The following CLYBL variants were observed in gnomAD, a reference collection of about 807,000 sequenced individuals.
CLYBL encodes the protein citramalyl-CoA lyase, also known as citramalyl-CoA lyase, mitochondrial.
CLYBL carries 31 observed loss-of-function variants against 38.9 expected under a neutral mutation model. The ratio of observed to expected loss-of-function variants is 0.80; its 90% CI spans 0.60 to 1.08. CLYBL has a LOEUF of 1.08. Among genes scored for constraint, CLYBL ranks in the 50% least tolerant of loss-of-function variants. CLYBL has a pLI of 0.00. For missense variants in CLYBL, 434 were observed against 411.6 expected, an observed-to-expected ratio of 1.05 and a Z score of -0.47; for synonymous variants, 171 against 158.6, an observed-to-expected ratio of 1.08 and a Z score of -0.59.
intron 1 of CLYBL, among the ~76,000 whole-genome samples, chr13:99,613,648 C>T (rs1349280588): frequency 1.3e-5 from 2 of 151,934 alleles, no homozygotes; most frequent in Admixed American, 6.6e-5. Flanking sequence ...AAGCAGTGAG[C>T]GAGAAAGGGG....
Position 99,723,861 on chromosome 13 carries a change from A to T in CLYBL, c.63-48963A>T, listed in dbSNP as rs539508395. On this transcript the variant is annotated intron_variant, in intron 1 of 8. Transcript: ENST00000339105. ...ATCATGATGGTTACAGGTTTCAGTG[A>T]TCTTTTTTGTGACAGATGTACCAAC... Among the ~76,000 whole-genome samples, 39 of 152,274 alleles carry T rather than the reference A, an allele frequency of 2.6e-4. No individual in the cohort carries two copies. In the South Asian group the frequency reaches 5.0e-3, roughly 19 times the overall value.
rs369963152 is a variant in CLYBL, at chr13:99,683,059, TTA to T, written c.62+76316_62+76317del. 7.4e-5 allele frequency among the ~76,000 whole-genome samples: 11 copies of T among 149,486 alleles called. 1 individual carries two copies. Among genetic ancestry groups the T allele is most frequent in the Middle Eastern group, 6.9e-3 (2 of 288 alleles). Reference sequence around the variant, plus strand: ...GGCCCAACTTTTTACTTTATAAACTTTATATATATATATATGTTTTGTTTTGT... The same window carrying T: ...GGCCCAACTTTTTACTTTATAAACTTTATATATATATATGTTTTGTTTTGT... On this transcript the variant is annotated intron_variant, in intron 1 of 8. Transcript: ENST00000339105.
At chr13:99,820,429 G>A (rs34667146) in intron 2 of CLYBL, among the ~76,000 whole-genome samples, 43,177 of 151,570 alleles carry the variant, frequency 0.28, 6,999 homozygotes, top group East Asian at 0.64. Flanking sequence ...TAACAGCCCA[G>A]CAATCAATGG....
At chr13:99,642,188 A>T (rs1379034820) in intron 1 of CLYBL, among the ~76,000 whole-genome samples, 1 of 152,088 alleles carries the variant, frequency 6.6e-6, no homozygotes, top group African/African-American at 2.4e-5. Flanking sequence ...GCCCATTCTC[A>T]TTGCAGGGGG....
At chr13:99,815,269 G>A (rs6491533) in intron 2 of CLYBL, among the ~76,000 whole-genome samples, 93,025 of 151,758 alleles carry the variant, frequency 0.61, 29,604 homozygotes, top group East Asian at 0.85. Context: ...TCATGTGTAC[G>A]TGTTTGTGAA....
intron 1 of CLYBL, among the ~76,000 whole-genome samples, chr13:99,611,879 C>T (rs1392099221): frequency 1.3e-5 from 2 of 152,192 alleles, no homozygotes; most frequent in Non-Finnish European, 1.5e-5. Flanking sequence ...GTCACATTCA[C>T]GTGCCTGGAG....
chr13:99,866,093 T>C, intron 5 of CLYBL, 147 bp from the exon 6 acceptor site: 1 of 781,730 alleles, frequency 1.3e-6, no homozygotes, highest in Non-Finnish European at 2.1e-6. Flanking sequence ...CGTCCCTGTC[T>C]TCATTTGTAT....
At position 99,616,423 on chromosome 13, in the gene CLYBL, A is replaced by G. The variant is rs561136704; in HGVS notation, c.62+9666A>G. On this transcript the variant is annotated intron_variant, in intron 1 of 8. Coordinates refer to ENST00000339105, the MANE Select transcript of CLYBL (RefSeq NM_206808.5). ...CTAGCACATATATATTTGTATGTGT[A>G]TAACCACAGTTGTTCATTTAGTCTG... Among the ~76,000 whole-genome samples the G allele has an allele frequency of 5.3e-5, 8 of 152,306 alleles. No individual in the cohort carries two copies. In the South Asian group the frequency reaches 1.5e-3, roughly 28 times the overall value.
At chr13:99,876,832 C>T (rs560855163) in intron 7 of CLYBL, among the ~76,000 whole-genome samples, 2 of 152,294 alleles carry the variant, frequency 1.3e-5, no homozygotes, top group African/African-American at 4.8e-5. Flanking sequence ...ATGACCAAAA[C>T]GAGATAGAGC....
intron 8 of CLYBL, among the ~76,000 whole-genome samples, chr13:99,904,967 T>C (rs1381948779): frequency 6.7e-6 from 1 of 149,440 alleles, no homozygotes; most frequent in Non-Finnish European, 1.5e-5. Context: ...CCACCCTGCC[T>C]CCCCCAGAAC....
At chr13:99,882,822 G>T (rs1198324588) in intron 7 of CLYBL, among the ~76,000 whole-genome samples, 2 of 152,112 alleles carry the variant, frequency 1.3e-5, no homozygotes, top group Non-Finnish European at 2.9e-5. Flanking sequence ...TAGAGTAGAG[G>T]TTATAGTTGC....
At chr13:99,727,439 CAGA>C (rs1291311181) in intron 1 of CLYBL, 2 of 152,004 alleles carry the variant, frequency 1.3e-5, no homozygotes, top group African/African-American at 2.4e-5. Flanking sequence ...GCAGGCAGGG[CAGA>C]AGGTCTTCTC....
At chr13:99,827,652 G>A (rs562923300) in intron 2 of CLYBL, among the ~76,000 whole-genome samples, 9 of 152,328 alleles carry the variant, frequency 5.9e-5, no homozygotes, top group African/African-American at 1.9e-4. Flanking sequence ...CACCTGGGGA[G>A]CCCCACACCA....
At chr13:99,769,701 T>C (rs2049341725) in intron 1 of CLYBL, among the ~76,000 whole-genome samples, 1 of 152,252 alleles carries the variant, frequency 6.6e-6, no homozygotes, top group Admixed American at 6.5e-5. Flanking sequence ...TCGTAAGCCA[T>C]GTACACTTTT....
intron 1 of CLYBL, among the ~76,000 whole-genome samples, chr13:99,697,529 A>G (rs1251257316): frequency 2.0e-5 from 3 of 151,892 alleles, no homozygotes; most frequent in Non-Finnish European, 2.9e-5. Flanking sequence ...CACCACACCC[A>G]GCTAATTTTT....
Position 99,671,672 on chromosome 13 carries a change from C to T in CLYBL, c.62+64915C>T, listed in dbSNP as rs529251937. Among the ~76,000 whole-genome samples, 25 of 151,296 alleles carry T rather than the reference C, an allele frequency of 1.7e-4. No individual in the cohort carries two copies. The South Asian group carries it at 3.5e-3, about 21-fold the overall frequency. On this transcript the variant is annotated intron_variant, in intron 1 of 8. Transcript: ENST00000339105. ...GTGCGTGCCTGTAATCCCAGCTACT[C>T]GGGAGACTGAGGCAGGAGAATCACT...
chr13:99,655,367 C>T (rs763414951), intron 1 of CLYBL, among the ~76,000 whole-genome samples: 1 of 152,182 alleles, frequency 6.6e-6, no homozygotes, highest in Non-Finnish European at 1.5e-5. Context: ...TGAGCCACTG[C>T]GCCTGGCCTG....
intron 1 of CLYBL, chr13:99,727,217 G>A (rs1209234729): frequency 1.3e-5 from 2 of 151,954 alleles, no homozygotes; most frequent in South Asian, 2.1e-4. Flanking sequence ...TTAGGCCTGG[G>A]GAATAGACCT....
At chr13:99,802,495 G>A (rs1428600395) in intron 2 of CLYBL, among the ~76,000 whole-genome samples, 1 of 152,032 alleles carries the variant, frequency 6.6e-6, no homozygotes. Flanking sequence ...ATAAACAATA[G>A]GATGGCTAAT....
Sources: gnomAD v4.1 joint callset for allele counts (sites outside exome capture counted in the v4.1 genomes callset) on GRCh38, gnomAD v4.1.1 for gene constraint, MANE v1.5 for transcripts, NCBI Gene and HGNC (gene_info 2026-07-23, HGNC 2026-07-21) for gene names.